The following ANKRD36 variants were observed in gnomAD, a reference collection of about 807,000 sequenced individuals.
ANKRD36 encodes ankyrin repeat domain 36, also known as ankyrin repeat domain-containing protein 36A.
ANKRD36 carries 179 observed loss-of-function variants against 278.1 expected under a neutral mutation model. The ratio of observed to expected loss-of-function variants is 0.64; its 90% CI spans 0.57 to 0.73. ANKRD36 has a LOEUF of 0.73. Among genes scored for constraint, ANKRD36 ranks in the 30% least tolerant of loss-of-function variants. The pLI is 0.00. For synonymous variants in ANKRD36, 320 were observed against 641.1 expected (o/e 0.50, Z 7.57); for missense variants, 1,159 against 1,956.7 (o/e 0.59, Z 7.69).
intron 38 of ANKRD36, 92 bp from the exon 39 acceptor site, chr2:97,194,634 G>A (rs1447768857): frequency 6.3e-7 from 1 of 1,578,394 alleles, no homozygotes; most frequent in Admixed American, 1.8e-5. Context: ...ATACAGGCAG[G>A]AGGACAGAGG....
rs1364541647 is a variant in ANKRD36 at position 97,164,427 on chromosome 2, A to T, written c.1489A>T (p.Thr497Ser). 1 of 1,537,562 alleles carries T rather than the reference A, an allele frequency of 6.5e-7. No individual in the cohort carries two copies. Among genetic ancestry groups the T allele is most frequent in the Non-Finnish European group, 8.7e-7 (1 of 1,146,846 alleles). The part of the protein sequence containing the change: ...HTVKDRDHIS[T>S]RFLGGMDSLT... Reference sequence around the variant, plus strand: ...GGTGAAAGACAGAGATCACATTTCAACTAGATTCTTAGGAGGTATGGATTC... The same window carrying T: ...GGTGAAAGACAGAGATCACATTTCATCTAGATTCTTAGGAGGTATGGATTC... Residue 497 changes from threonine (T) to serine (S), a missense_variant, in exon 20 of 76, where the codon ACT (threonine) becomes TCT (serine). Physicochemically the swap from Thr to Ser is moderately conservative, Grantham distance 58. Transcript: ENST00000420699.
In ANKRD36 at chr2:97,202,368, C is replaced by G. The variant is rs745336313; in HGVS notation, c.2934C>G (p.Asn978Lys). Residue 978 changes from asparagine to lysine, a missense_variant, in exon 48 of 76, where the codon AAC (asparagine) becomes AAG (lysine). Coordinates refer to ENST00000420699, the MANE Select transcript of ANKRD36 (RefSeq NM_001354587.1). ...EDSVLGIARE[N>K]KDGEKSRTVS... The stretch of plus-strand genomic sequence containing the variant: ...CTGTTTTGGGTATAGCCAGAGAAAA[C>G]AAGGATGGAGAAAAATCTAGGACAG... 2 of 1,557,452 alleles carry G rather than the reference C, an allele frequency of 1.3e-6. No homozygotes were observed. The highest frequency in any genetic ancestry group is 1.7e-6 in the Non-Finnish European group (2 of 1,154,110).
intron 1 of ANKRD36, among the ~76,000 whole-genome samples, chr2:97,116,620 C>T (rs1358197061): frequency 2.6e-5 from 4 of 151,996 alleles, no homozygotes; most frequent in Admixed American, 6.6e-5. Context: ...AACTTTTAGC[C>T]TCTTCAGAGG....
chr2:97,225,957 A>G (rs1414810427), intron 67 of ANKRD36, among the ~76,000 whole-genome samples: 1 of 151,824 alleles, frequency 6.6e-6, no homozygotes, highest in Non-Finnish European at 1.5e-5. Flanking sequence ...ACATGAACTC[A>G]TCATTTTTTA....
chr2:97,201,558 A>T (rs2153597681), intron 46 of ANKRD36, among the ~76,000 whole-genome samples: 1 of 152,054 alleles, frequency 6.6e-6, no homozygotes, highest in East Asian at 1.9e-4. Context: ...GTGGATGAAG[A>T]AACTTTTGGA....
intron 66 of ANKRD36, among the ~76,000 whole-genome samples, chr2:97,222,193 A>G (rs1225744983): frequency 1.3e-5 from 2 of 151,836 alleles, no homozygotes; most frequent in Non-Finnish European, 2.9e-5. Flanking sequence ...CTTGTAGTAT[A>G]GTTTGAAGTC....
At chr2:97,228,381 A>T (rs989182241) in intron 67 of ANKRD36, among the ~76,000 whole-genome samples, 1 of 152,106 alleles carries the variant, frequency 6.6e-6, no homozygotes, top group African/African-American at 2.4e-5. Context: ...GTATGTGTCC[A>T]GGAATTTATG....
At chr2:97,216,592 G>A (rs1165188455) in intron 62 of ANKRD36, 7 of 190,810 alleles carry the variant, frequency 3.7e-5, no homozygotes, top group Admixed American at 5.5e-5. Flanking sequence ...ATTACACCAC[G>A]TGGGTGTGAG....
rs2057171250 is a variant in ANKRD36, at chr2:97,185,358, C to A, written c.1968+14C>A. 6.2e-7 allele frequency: 1 copy of A among 1,609,792 alleles called. No homozygotes were observed. Among genetic ancestry groups the A allele is most frequent in the Non-Finnish European group, 8.5e-7 (1 of 1,177,524 alleles). On this transcript the variant is annotated intron_variant, in intron 29 of 75. Coordinates refer to ENST00000420699, the MANE Select transcript of ANKRD36 (RefSeq NM_001354587.1). ...CCAGCCTCAAAGGTAATTAAACTCTCATTTATATTTTGTATTAGTAACTGT... is the reference window on the plus strand; with the variant it reads ...CCAGCCTCAAAGGTAATTAAACTCTAATTTATATTTTGTATTAGTAACTGT...
intron 44 of ANKRD36, among the ~76,000 whole-genome samples, chr2:97,199,505 T>C (rs561304739): frequency 6.6e-6 from 1 of 152,044 alleles, no homozygotes; most frequent in African/African-American, 2.4e-5. Context: ...AAGAATGATG[T>C]TGAATTCCAA....
intron 42 of ANKRD36, among the ~76,000 whole-genome samples, chr2:97,197,035 A>G (rs1201111103): frequency 2.6e-5 from 4 of 151,918 alleles, no homozygotes; most frequent in Non-Finnish European, 5.9e-5. Flanking sequence ...AGTTGAAGAC[A>G]TAAGGGTCTC....
Position 97,202,392 on chromosome 2 carries a change from A to T in ANKRD36, c.2958A>T (p.Thr986=). 1 of 1,549,300 alleles carries T rather than the reference A, an allele frequency of 6.5e-7. No homozygotes were observed. ...ACAAGGATGGAGAAAAATCTAGGAC[A>T]GGTAATTTTGAAAACAGATTTAATG... ...RENKDGEKSR[T]VSSEKPPGLK... is the part of the protein sequence containing the mutation. The change falls in exon 48 of 76, where the codon ACA becomes ACT. Residue 986 remains threonine, a splice_region_variant and synonymous_variant. Transcript: ENST00000420699.
rs755337089 is a variant in ANKRD36, at chr2:97,122,916, G to T, written c.516G>T (p.Val172=). Residue 172 remains valine (V), a synonymous_variant, in exon 4 of 76, where the codon GTG becomes GTT. Coordinates refer to ENST00000420699, the MANE Select transcript of ANKRD36 (RefSeq NM_001354587.1). ...KCEYQPLLFA[V]SRRKVKMVEF... is the part of the protein sequence containing the mutation. ...AATATCAGCCACTGTTATTTGCTGT[G>T]AGTCGAAGAAAAGTGAAAATGGTGG... 6.5e-7 allele frequency: 1 copy of T among 1,543,808 alleles called. No individual in the cohort carries two copies. The highest frequency in any genetic ancestry group is 8.8e-7 in the Non-Finnish European group (1 of 1,142,702).
At chr2:97,218,069 A>G (rs1269237994) in intron 64 of ANKRD36, among the ~76,000 whole-genome samples, 1 of 152,014 alleles carries the variant, frequency 6.6e-6, no homozygotes, top group Non-Finnish European at 1.5e-5. Flanking sequence ...GACATCACAC[A>G]TATATTTTTT....
chr2:97,120,165 C>G (rs1028555568), intron 3 of ANKRD36, among the ~76,000 whole-genome samples: 1 of 21,614 alleles, frequency 4.6e-5, no homozygotes, highest in African/African-American at 1.0e-4. Flanking sequence ...GAGACTGACT[C>G]TTTCAGGACT....
intron 67 of ANKRD36, among the ~76,000 whole-genome samples, chr2:97,227,424 G>C (rs2070205446): frequency 6.6e-6 from 1 of 152,076 alleles, no homozygotes; most frequent in South Asian, 2.1e-4. Context: ...TTGGCTCTCT[G>C]TTTGTCTGTT....
chr2:97,165,681 G>A (rs553278909), intron 20 of ANKRD36, among the ~76,000 whole-genome samples: 1 of 149,732 alleles, frequency 6.7e-6, no homozygotes, highest in African/African-American at 2.4e-5. Context: ...AGGGTTTCCA[G>A]GTGTCAAATG....
intron 8 of ANKRD36, among the ~76,000 whole-genome samples, chr2:97,143,884 G>A (rs930105018): frequency 6.6e-6 from 1 of 151,954 alleles, no homozygotes; most frequent in Non-Finnish European, 1.5e-5. Flanking sequence ...ACTTTCTGAA[G>A]GCTAAACTAG....
chr2:97,226,898 C>T (rs1210693067), intron 67 of ANKRD36, among the ~76,000 whole-genome samples: 3 of 151,876 alleles, frequency 2.0e-5, no homozygotes, highest in Non-Finnish European at 2.9e-5. Context: ...TTCCCCGTTG[C>T]TTGTTTTTCT....
Sources: allele counts gnomAD v4.1 joint callset (sites outside exome capture counted in the v4.1 genomes callset), GRCh38; gene constraint gnomAD v4.1.1; transcripts MANE v1.5; gene names NCBI Gene and HGNC (gene_info 2026-07-23, HGNC 2026-07-21).